SARDH: variants seen among roughly 807,000 people sequenced by gnomAD.
SARDH encodes the protein sarcosine dehydrogenase.
In SARDH, 95 loss-of-function variants were observed where a neutral mutation model predicts 109.1. The observed-to-expected ratio is 0.87, with a 90% CI of 0.74 to 1.03. The LOEUF is 1.03. Among genes scored for constraint, SARDH ranks in the 50% least tolerant of loss-of-function variants. SARDH has a pLI of 0.00. For synonymous variants in SARDH, 572 were observed against 534.8 expected, an observed-to-expected ratio of 1.07 and a Z score of -0.96; for missense variants, 1,267 against 1,287.8, an observed-to-expected ratio of 0.98 and a Z score of 0.25.
Position 133,713,026 on chromosome 9 carries a change from G to A in SARDH, c.1237+12C>T. The A allele has an allele frequency of 1.2e-6, 2 of 1,606,310 alleles. No individual in the cohort carries two copies. The highest frequency in any genetic ancestry group is 2.2e-5 in the South Asian group (2 of 89,548). On this transcript the variant is annotated intron_variant, in intron 9 of 20. Transcript: ENST00000439388. ...CCTCTTGGGGGCCAGGAGGGCTGCT[G>A]CCCGGACTCACCTGCGCTGTTGAAG... is the stretch of plus-strand genomic sequence containing the variant.
At chr9:133,694,985 T>C (rs1831232086) in intron 14 of SARDH, among the ~76,000 whole-genome samples, 1 of 152,064 alleles carries the variant, frequency 6.6e-6, no homozygotes, top group Non-Finnish European at 1.5e-5. Flanking sequence ...GTGGGTTTGT[T>C]GGTTGGCTGG....
intron 17 of SARDH, among the ~76,000 whole-genome samples, chr9:133,678,661 C>A (rs1260755632): frequency 5.3e-5 from 8 of 152,148 alleles, no homozygotes; most frequent in Non-Finnish European, 1.2e-4. Flanking sequence ...GCACAGCTGG[C>A]CTCGCCAGCC....
At chr9:133,691,775 A>G (rs1831106390) in intron 15 of SARDH, among the ~76,000 whole-genome samples, 2 of 152,200 alleles carry the variant, frequency 1.3e-5, no homozygotes, top group African/African-American at 4.8e-5. Flanking sequence ...ATGCATATTC[A>G]TAACTCAAAC....
chr9:133,708,891 T>C (rs989904552), intron 10 of SARDH, among the ~76,000 whole-genome samples: 1 of 152,028 alleles, frequency 6.6e-6, no homozygotes, highest in African/African-American at 2.4e-5. Context: ...AGAACACCAG[T>C]GTCCCCCTCC....
Position 133,703,140 on chromosome 9 carries a change from C to T in SARDH, c.1555-111G>A, listed in dbSNP as rs367823367. 32 of 916,560 alleles carry T rather than the reference C, an allele frequency of 3.5e-5. No individual in the cohort carries two copies. The African/African-American group carries it at 4.2e-4, about 12-fold the overall frequency. 56.8% of individuals were successfully genotyped at this position (916,560 alleles called of 1,614,324 possible). A position where few individuals can be genotyped will look rare whatever the true frequency, so the allele number is the denominator to read the frequency against. On this transcript the variant is annotated intron_variant, in intron 12 of 20. Transcript: ENST00000439388. ...ATGGGGTCAGGCCTGGCCCTGCCCT[C>T]GGAGAGCCCTGCACTGAGTGCCCGT...
chr9:133,669,334 G>C (rs57660207), intron 19 of SARDH, among the ~76,000 whole-genome samples: 2 of 63,298 alleles, frequency 3.2e-5, no homozygotes, highest in Non-Finnish European at 6.0e-5. Context: ...CCTCTCCCTC[G>C]TCCTCCCTCT....
At position 133,718,042 on chromosome 9, in the gene SARDH, G is replaced by A. The variant is rs935523303; in HGVS notation, c.1021-587C>T. Among the ~76,000 whole-genome samples, 1 of 152,138 alleles carries A rather than the reference G, an allele frequency of 6.6e-6. No individual in the cohort carries two copies. The highest frequency in any genetic ancestry group is 1.5e-5 in the Non-Finnish European group (1 of 68,036). On this transcript the variant is annotated intron_variant, in intron 7 of 20. Coordinates refer to ENST00000439388, the MANE Select transcript of SARDH (RefSeq NM_001134707.2). The surrounding 1 kb of genome is among the most constrained non-coding windows in gnomAD (Gnocchi z 4.2). ...AACCTGCTAATTTTATTCAGTGCGC[G>A]ATCATCTTCCAGAATTTCATTCCTT... is the stretch of plus-strand genomic sequence containing the variant.
chr9:133,720,811 C>A (rs1832299508), intron 6 of SARDH, among the ~76,000 whole-genome samples: 1 of 152,152 alleles, frequency 6.6e-6, no homozygotes. Context: ...TCAAGGTGAG[C>A]TTTGGGTGGG....
intron 6 of SARDH, among the ~76,000 whole-genome samples, chr9:133,725,962 G>C (rs748138856): frequency 6.6e-6 from 1 of 152,198 alleles, no homozygotes; most frequent in Non-Finnish European, 1.5e-5. Context: ...CATTCTGGCA[G>C]ATGCTTCCTC....
chr9:133,734,322 C>T, intron 1 of SARDH, 119 bp from the exon 2 acceptor site: 1 of 520,082 alleles, frequency 1.9e-6, no homozygotes, highest in Non-Finnish European at 3.2e-6. Context: ...CTTGCCACTT[C>T]CCCATGGCAT....
chr9:133,727,685 T>A (rs1832539090), intron 6 of SARDH, among the ~76,000 whole-genome samples: 1 of 151,764 alleles, frequency 6.6e-6, no homozygotes, highest in African/African-American at 2.4e-5. Context: ...CTACCAGGTC[T>A]CAGAGCTGCT....
chr9:133,727,220 C>A (rs2283125), intron 6 of SARDH, among the ~76,000 whole-genome samples: 40,751 of 152,058 alleles, frequency 0.27, 5,938 homozygotes, highest in East Asian at 0.33. Flanking sequence ...TCTCTAGGAC[C>A]CAGGCCTGGG....
downstream of SARDH, among the ~76,000 whole-genome samples, chr9:133,660,405 TAGGAAAC>T (rs796169058): frequency 1.7e-4 from 26 of 152,154 alleles, no homozygotes; most frequent in African/African-American, 6.0e-4. Context: ...TCTGCTTACT[TAGGAAAC>T]AGGAATTTCC....
rs541632355 is a variant in SARDH at position 133,699,171 on chromosome 9, A to AC, written c.1669-2811dup. On this transcript the variant is annotated intron_variant, in intron 13 of 20. Transcript: ENST00000439388. ...AGACCAGCCTGACCAACATGGAGAA[A>AC]CCCCATCTCTACTAAAAATACAAAA... Among the ~76,000 whole-genome samples the AC allele has an allele frequency of 3.3e-5, 5 of 152,252 alleles. No homozygotes were observed. The South Asian group carries it at 8.3e-4, about 25-fold the overall frequency.
intron 13 of SARDH, 40 bp from the exon 14 acceptor site, chr9:133,696,401 T>C (rs1469131431): frequency 1.9e-6 from 3 of 1,613,196 alleles, no homozygotes; most frequent in South Asian, 2.2e-5. Context: ...ACGGGGGCCT[T>C]TGGGGTGTGC....
chr9:133,724,162 G>A (rs1832414318), intron 6 of SARDH, among the ~76,000 whole-genome samples: 2 of 152,218 alleles, frequency 1.3e-5, no homozygotes, highest in South Asian at 2.1e-4. Flanking sequence ...AAAAGGCTAT[G>A]TAAAGACTTC....
chr9:133,675,389 T>C (rs79932631), intron 17 of SARDH, among the ~76,000 whole-genome samples: 104 of 150,404 alleles, frequency 6.9e-4, no homozygotes, highest in African/African-American at 2.5e-3. Context: ...AATCGACAAT[T>C]CTCAAAAGCA....
At chr9:133,696,497 G>C (rs1564262910) in intron 13 of SARDH, 136 bp from the exon 14 acceptor site, 4 of 1,030,518 alleles carry the variant, frequency 3.9e-6, no homozygotes, top group African/African-American at 1.6e-5. Context: ...CCCGCACCAA[G>C]CCCTTCTCAG....
At chr9:133,671,496 G>C in intron 18 of SARDH, 39 bp downstream of exon 18, 2 of 1,508,552 alleles carry the variant, frequency 1.3e-6, no homozygotes, top group African/African-American at 1.4e-5. Context: ...CCCCCACTGC[G>C]CCCGCCCCCG....
Sources: gnomAD v4.1 joint callset for allele counts (sites outside exome capture counted in the v4.1 genomes callset) on GRCh38, gnomAD v4.1.1 for gene constraint, Gnocchi (gnomAD v3.1) non-coding constraint, MANE v1.5 for transcripts, NCBI Gene and HGNC (gene_info 2026-07-23, HGNC 2026-07-21) for gene names.